GRM7: variants seen among roughly 807,000 people sequenced by gnomAD.
The protein encoded by GRM7 is glutamate metabotropic receptor 7, also known as metabotropic glutamate receptor 7.
GRM7 carries 35 observed loss-of-function variants against 84.5 expected under a neutral mutation model. The observed-to-expected ratio is 0.41, with a 90% CI of 0.32 to 0.55. GRM7 has a LOEUF of 0.55. Ranked by LOEUF, GRM7 falls within the 20% of genes least tolerant of loss-of-function variation. GRM7 has a pLI of 0.19. For synonymous variants in GRM7, 487 were observed against 455.1 expected (o/e 1.07, Z -0.89); for missense variants, 1,003 against 1,194.6 (o/e 0.84, Z 2.36).
intron 1 of GRM7, among the ~76,000 whole-genome samples, chr3:6,864,871 T>C (rs1402641110): frequency 6.6e-6 from 1 of 152,232 alleles, no homozygotes; most frequent in Non-Finnish European, 1.5e-5. Context: ...GAATGACTCC[T>C]CAGATGTAAA....
At chr3:6,956,155 T>G (rs1693039006) in intron 1 of GRM7, among the ~76,000 whole-genome samples, 1 of 152,188 alleles carries the variant, frequency 6.6e-6, no homozygotes. Context: ...TTATTGCAAT[T>G]CAGGCGGGAA....
At chr3:7,560,103 C>A (rs535392553) in intron 7 of GRM7, among the ~76,000 whole-genome samples, 1 of 152,090 alleles carries the variant, frequency 6.6e-6, no homozygotes, top group Non-Finnish European at 1.5e-5. Flanking sequence ...TACTATCAGG[C>A]TTTACCCTTA....
chr3:7,089,570 C>A (rs1043490207), intron 1 of GRM7, among the ~76,000 whole-genome samples: 1 of 152,072 alleles, frequency 6.6e-6, no homozygotes, highest in Non-Finnish European at 1.5e-5. Flanking sequence ...AAATTGAAGG[C>A]AGTAAGTGAC....
intron 1 of GRM7, among the ~76,000 whole-genome samples, chr3:7,119,525 C>T (rs903467569): frequency 4.6e-5 from 7 of 152,134 alleles, no homozygotes; most frequent in Non-Finnish European, 8.8e-5. Flanking sequence ...CAATTACACT[C>T]TCAAATACAT....
chr3:7,506,664 T>C (rs1700048318), intron 7 of GRM7, among the ~76,000 whole-genome samples: 1 of 152,212 alleles, frequency 6.6e-6, no homozygotes, highest in Non-Finnish European at 1.5e-5. Flanking sequence ...CGGGCCTTCT[T>C]CTTGTGTCAT....
intron 7 of GRM7, among the ~76,000 whole-genome samples, chr3:7,541,795 G>T (rs967924372): frequency 6.6e-6 from 1 of 152,200 alleles, no homozygotes. Context: ...AGTTTCCTGG[G>T]GCTGTTGTCA....
At chr3:7,724,954 A>AT (rs1282281417) in intron 9 of GRM7, among the ~76,000 whole-genome samples, 1 of 147,342 alleles carries the variant, frequency 6.8e-6, no homozygotes, top group African/African-American at 2.5e-5. Flanking sequence ...TTTTTTTTTT[A>AT]TTTTTTACAG....
At chr3:7,276,203 ATATATGTG>A (rs1457850085) in intron 2 of GRM7, among the ~76,000 whole-genome samples, 4,791 of 124,590 alleles carry the variant, frequency 0.038, 77 homozygotes, top group Non-Finnish European at 0.042. Context: ...ATATATATAT[ATATATGTG>A]TGTGTGTGTG....
At chr3:7,243,496 G>A (rs1402527343) in intron 2 of GRM7, among the ~76,000 whole-genome samples, 1 of 152,058 alleles carries the variant, frequency 6.6e-6, no homozygotes, top group Non-Finnish European at 1.5e-5. Flanking sequence ...ACAATAATGA[G>A]AGAGTTTTTA....
chr3:7,491,366 A>G (rs1699509773), intron 7 of GRM7, among the ~76,000 whole-genome samples: 1 of 151,796 alleles, frequency 6.6e-6, no homozygotes, highest in Non-Finnish European at 1.5e-5. Context: ...TCTAGTTCTT[A>G]TAGTTCTATT....
At chr3:7,133,223 A>G (rs1474572595) in intron 1 of GRM7, among the ~76,000 whole-genome samples, 4 of 152,232 alleles carry the variant, frequency 2.6e-5, no homozygotes, top group Non-Finnish European at 4.4e-5. Context: ...GAGAGAGAAT[A>G]TGAAATGTTA....
intron 2 of GRM7, among the ~76,000 whole-genome samples, chr3:7,238,572 C>T (rs1441980517): frequency 1.3e-5 from 2 of 151,924 alleles, no homozygotes; most frequent in Non-Finnish European, 2.9e-5. Context: ...AAGGCTGTGT[C>T]CTCAGGCTTA....
chr3:7,673,391 C>A (rs1441296112), intron 8 of GRM7, among the ~76,000 whole-genome samples: 1 of 151,994 alleles, frequency 6.6e-6, no homozygotes, highest in African/African-American at 2.4e-5. Context: ...CCAGTCATTT[C>A]TTCTGTAACA....
intron 7 of GRM7, among the ~76,000 whole-genome samples, chr3:7,556,345 A>G (rs988374860): frequency 2.0e-5 from 3 of 152,148 alleles, no homozygotes; most frequent in Non-Finnish European, 4.4e-5. Flanking sequence ...TTCAGACCAT[A>G]GTAACCTCTA....
At chr3:7,645,949 G>C (rs1034077301) in intron 8 of GRM7, among the ~76,000 whole-genome samples, 2 of 152,178 alleles carry the variant, frequency 1.3e-5, no homozygotes, top group African/African-American at 4.8e-5. Context: ...CTGTTTGGTT[G>C]TTTTAATCAG....
intron 2 of GRM7, among the ~76,000 whole-genome samples, chr3:7,184,539 T>G (rs920044367): frequency 2.0e-5 from 3 of 152,136 alleles, no homozygotes; most frequent in African/African-American, 4.8e-5. Flanking sequence ...ATATAATTCT[T>G]TTCTGTTCTC....
Position 7,192,306 on chromosome 3 carries a change from C to T in GRM7, c.736+45638C>T, listed in dbSNP as rs528335116. ...TTTGAGAAATGCCACTCTGGCTCAT[C>T]AAATAAAGAGCAGAGTCAGTTTGTT... On this transcript the variant is annotated intron_variant, in intron 2 of 9. Transcript: ENST00000357716. Among the ~76,000 whole-genome samples the T allele has an allele frequency of 5.3e-5, 8 of 152,164 alleles. No homozygotes were observed. In the South Asian group the frequency reaches 1.7e-3, roughly 32 times the overall value.
In GRM7 at chr3:6,889,595, G is replaced by A. The variant is rs542198560; in HGVS notation, c.519+27688G>A. The stretch of plus-strand genomic sequence containing the variant: ...CAGGGATGAAGCCCACTTAATCATC[G>A]TGGATAACCTTTTTGATGTGCTGCT... On this transcript the variant is annotated intron_variant, in intron 1 of 9. Coordinates refer to ENST00000357716, the MANE Select transcript of GRM7 (RefSeq NM_000844.4). 1.1e-4 allele frequency among the ~76,000 whole-genome samples: 16 copies of A among 152,256 alleles called. 1 individual carries two copies. The highest frequency in any genetic ancestry group is 7.2e-4 in the Admixed American group (11 of 15,298).
At chr3:7,558,525 G>A (rs1693872380) in intron 7 of GRM7, among the ~76,000 whole-genome samples, 1 of 152,046 alleles carries the variant, frequency 6.6e-6, no homozygotes, top group Non-Finnish European at 1.5e-5. Context: ...TGAGGGAAGG[G>A]AACAAAATAA....
Sources: allele counts gnomAD v4.1 joint callset (sites outside exome capture counted in the v4.1 genomes callset), GRCh38; gene constraint gnomAD v4.1.1; transcripts MANE v1.5; gene names NCBI Gene and HGNC (gene_info 2026-07-23, HGNC 2026-07-21).